YEATS2: variants seen among roughly 807,000 people sequenced by gnomAD.
YEATS2 encodes YEATS domain containing 2.
YEATS2 carries 77 observed loss-of-function variants against 163.2 expected under a neutral mutation model. The observed-to-expected ratio is 0.47, with a 90% CI of 0.39 to 0.57. The LOEUF (loss-of-function observed/expected upper bound fraction) is 0.57. Among genes scored for constraint, YEATS2 ranks in the 20% least tolerant of loss-of-function variants. YEATS2 has a pLI of 0.00. For synonymous variants in YEATS2, 631 were observed against 645.1 expected (o/e 0.98, Z 0.33); for missense variants, 1,549 against 1,729.8 (o/e 0.90, Z 1.85).
chr3:183,809,917 G>A (rs1311063612), intron 30 of YEATS2: 1 of 153,470 alleles, frequency 6.5e-6, no homozygotes, highest in African/African-American at 2.4e-5. Flanking sequence ...CAACATAGGC[G>A]TCTTTAGAGA....
At chr3:183,716,659 TAAAAA>T (rs1162497481) in intron 2 of YEATS2, among the ~76,000 whole-genome samples, 1 of 152,138 alleles carries the variant, frequency 6.6e-6, no homozygotes, top group Non-Finnish European at 1.5e-5. Context: ...CTTTTTAAAA[TAAAAA>T]CAAGAACAGG....
intron 8 of YEATS2, among the ~76,000 whole-genome samples, chr3:183,742,260 A>G (rs1319261245): frequency 6.6e-6 from 1 of 152,170 alleles, no homozygotes; most frequent in South Asian, 2.1e-4. Flanking sequence ...TTGTAAGGCT[A>G]TGGATGCCAT....
chr3:183,761,761 C>A, intron 14 of YEATS2, 147 bp downstream of exon 14: 1 of 770,126 alleles, frequency 1.3e-6, no homozygotes, highest in Non-Finnish European at 2.1e-6. Context: ...TTAATGATGT[C>A]CTCAGGGCAG....
chr3:183,718,626 C>T lies in YEATS2; in HGVS notation c.291+34C>T, dbSNP rs1389408068. 2.0e-6 allele frequency: 3 copies of T among 1,514,282 alleles called. No homozygotes were observed. The Admixed American group carries it at 5.6e-5, about 28-fold the overall frequency. 93.8% of individuals were successfully genotyped at this position (1,514,282 alleles called of 1,614,324 possible). On this transcript the variant is annotated intron_variant, in intron 4 of 30. Transcript: ENST00000305135. ...TCCTCATACCCAGTCATTTTCCAGCCACTCATATTTGTTGTCTGAGGGGAA... is the reference window on the plus strand; with the variant it reads ...TCCTCATACCCAGTCATTTTCCAGCTACTCATATTTGTTGTCTGAGGGGAA...
chr3:183,697,863 C>T lies in YEATS2; in HGVS notation c.-150C>T, dbSNP rs1421461491. The T allele has an allele frequency of 6.6e-6, 1 of 151,248 alleles. No individual in the cohort carries two copies. Among genetic ancestry groups the T allele is most frequent in the East Asian group, 1.9e-4 (1 of 5,178 alleles). 9.4% of individuals were successfully genotyped at this position (151,248 alleles called of 1,614,324 possible). A position where few individuals can be genotyped will look rare whatever the true frequency, so the allele number is the denominator to read the frequency against. ...CGGGCTCCACCGCGCCGTGTGCTTCCGCAGGTTGCGGGGGTCGCTGGGGCC... is the reference window on the plus strand; with the variant it reads ...CGGGCTCCACCGCGCCGTGTGCTTCTGCAGGTTGCGGGGGTCGCTGGGGCC... On this transcript the variant is annotated 5_prime_UTR_variant, in exon 1 of 31. Transcript: ENST00000305135.
At chr3:183,723,070 A>G (rs940584812) in intron 5 of YEATS2, among the ~76,000 whole-genome samples, 3 of 152,228 alleles carry the variant, frequency 2.0e-5, no homozygotes, top group Non-Finnish European at 4.4e-5. Flanking sequence ...GATCTTGCTC[A>G]AGGTCTTTCA....
chr3:183,726,719 G>C (rs1560239626), intron 6 of YEATS2, among the ~76,000 whole-genome samples: 1 of 152,012 alleles, frequency 6.6e-6, no homozygotes, highest in Non-Finnish European at 1.5e-5. Flanking sequence ...ATCATATTAT[G>C]TGGCCATTTT....
rs529603722 is a variant in YEATS2 at position 183,760,473 on chromosome 3, G to A, written c.1657-1034G>A. 6.6e-5 allele frequency among the ~76,000 whole-genome samples: 10 copies of A among 151,858 alleles called. No homozygotes were observed. The East Asian group carries it at 9.7e-4, about 15-fold the overall frequency. On this transcript the variant is annotated intron_variant, in intron 13 of 30. Coordinates refer to ENST00000305135, the MANE Select transcript of YEATS2 (RefSeq NM_018023.5). ...GAGTAGCTGGGGTTACAGGGCATGC[G>A]CCCCACGCCCGGATAATTTTGTATT... is the stretch of plus-strand genomic sequence containing the variant.
rs1031940281 is a variant in YEATS2, at chr3:183,808,241, T to C, written c.4086+137T>C. 111 of 637,676 alleles carry C rather than the reference T, an allele frequency of 1.7e-4. No individual in the cohort carries two copies. In the Admixed American group the frequency reaches 2.2e-3, roughly 13 times the overall value. 39.5% of individuals were successfully genotyped at this position (637,676 alleles called of 1,614,324 possible). A position where few individuals can be genotyped will look rare whatever the true frequency, so the allele number is the denominator to read the frequency against. On this transcript the variant is annotated intron_variant, in intron 29 of 30. Coordinates refer to ENST00000305135, the MANE Select transcript of YEATS2 (RefSeq NM_018023.5). ...TCTTATTTGGGCTTAAGTTCTCTCT[T>C]TTTGTTTTTTTGTTTTTTTTCCTTC...
chr3:183,768,848 C>T (rs1364189001), intron 15 of YEATS2, among the ~76,000 whole-genome samples: 4 of 152,050 alleles, frequency 2.6e-5, no homozygotes, highest in Non-Finnish European at 5.9e-5. Flanking sequence ...GGCGTGTGCC[C>T]ATAATCCCAG....
chr3:183,738,388 GTTCTT>G (rs1451858498), intron 8 of YEATS2, among the ~76,000 whole-genome samples: 66 of 113,938 alleles, frequency 5.8e-4, no homozygotes, highest in African/African-American at 2.1e-3. Flanking sequence ...CAAAGGAAAA[GTTCTT>G]TTTTTTTTTT....
chr3:183,717,501 C>A, intron 2 of YEATS2, 150 bp from the exon 3 acceptor site: 1 of 533,484 alleles, frequency 1.9e-6, no homozygotes, highest in Non-Finnish European at 3.2e-6. Context: ...TTAGTGGTTT[C>A]AGTTTTTCAT....
intron 21 of YEATS2, among the ~76,000 whole-genome samples, chr3:183,792,825 A>G (rs1470147942): frequency 1.3e-5 from 2 of 152,098 alleles, no homozygotes; most frequent in Non-Finnish European, 2.9e-5. Context: ...TTTATTTTTT[A>G]TAACTAATTT....
At chr3:183,744,704 C>T (rs538490710) in intron 8 of YEATS2, among the ~76,000 whole-genome samples, 80 of 152,230 alleles carry the variant, frequency 5.3e-4, no homozygotes, top group African/African-American at 1.6e-3. Flanking sequence ...CTTCTTTGTA[C>T]GGTAGTATTT....
chr3:183,742,872 T>G (rs1272323185), intron 8 of YEATS2, among the ~76,000 whole-genome samples: 1 of 152,114 alleles, frequency 6.6e-6, no homozygotes, highest in Non-Finnish European at 1.5e-5. Flanking sequence ...CACCCAAACC[T>G]TCAACAAACA....
chr3:183,810,456 C>T lies in YEATS2; in HGVS notation c.4161-19C>T. ...GTGAGAGAATTTCACCTGGTAACAC[C>T]CTTTGTTTTTTGGACCAGGATTCCC... is the stretch of plus-strand genomic sequence containing the variant. On this transcript the variant is annotated intron_variant, in intron 30 of 30. Transcript: ENST00000305135. 1.9e-6 allele frequency: 3 copies of T among 1,598,070 alleles called. No homozygotes were observed. The highest frequency in any genetic ancestry group is 2.6e-6 in the Non-Finnish European group (3 of 1,165,938).
chr3:183,711,313 C>CAA (rs1428127215), intron 1 of YEATS2, among the ~76,000 whole-genome samples: 3 of 147,614 alleles, frequency 2.0e-5, no homozygotes, highest in Admixed American at 1.3e-4. Flanking sequence ...CACAAAAATA[C>CAA]AAAAAAAAAA....
At chr3:183,755,238 C>T (rs1304440509) in intron 11 of YEATS2, among the ~76,000 whole-genome samples, 2 of 152,118 alleles carry the variant, frequency 1.3e-5, no homozygotes, top group African/African-American at 2.4e-5. Context: ...CTGGCTCAGC[C>T]TCCCAAGTAG....
At chr3:183,807,117 C>T in intron 28 of YEATS2, 25 bp downstream of exon 28, 1 of 1,593,348 alleles carries the variant, frequency 6.3e-7, no homozygotes, top group Non-Finnish European at 8.6e-7. Flanking sequence ...GTTAATAGTT[C>T]ATGCAGCAGA....
Sources: gnomAD v4.1 joint callset for allele counts (sites outside exome capture counted in the v4.1 genomes callset) on GRCh38, gnomAD v4.1.1 for gene constraint, MANE v1.5 for transcripts, NCBI Gene and HGNC (gene_info 2026-07-23, HGNC 2026-07-21) for gene names.